Variants in DBF4B observed in about 807,000 individuals in gnomAD.
The protein encoded by DBF4B is protein DBF4 homolog B.
Under a neutral mutation model 53.4 loss-of-function variants are expected in DBF4B, and 49 were observed. The ratio of observed to expected loss-of-function variants is 0.92; its 90% CI spans 0.73 to 1.16. The LOEUF is 1.16. Ranked by LOEUF, DBF4B falls within the 50% of genes most tolerant of loss-of-function variation. The probability of loss-of-function intolerance (pLI) is 0.00; values close to 1 mark genes in which losing one functional copy is unlikely to be tolerated. For synonymous variants in DBF4B, 257 were observed against 288.7 expected (o/e 0.89, Z 1.11); for missense variants, 692 against 775.0 (o/e 0.89, Z 1.27).
chr17:44,728,699 C>T (rs1358639965), intron 3 of DBF4B, among the ~76,000 whole-genome samples: 1 of 151,780 alleles, frequency 6.6e-6, no homozygotes, highest in Non-Finnish European at 1.5e-5. Flanking sequence ...CGCCTGTAGT[C>T]TCAGCTATTC....
chr17:44,720,062 G>T, intron 2 of DBF4B: 1 of 247,356 alleles, frequency 4.0e-6, no homozygotes. Context: ...GTTCTTCGTA[G>T]AGGAACTTGA....
chr17:44,736,949 T>A (rs1975505565), intron 8 of DBF4B, 83 bp downstream of exon 8: 2 of 1,511,540 alleles, frequency 1.3e-6, no homozygotes, highest in Non-Finnish European at 1.8e-6. Context: ...TGGCAGCATC[T>A]GCTCACTTTT....
intron 10 of DBF4B, among the ~76,000 whole-genome samples, chr17:44,744,624 A>G (rs1976427308): frequency 6.6e-6 from 1 of 152,200 alleles, no homozygotes; most frequent in Non-Finnish European, 1.5e-5. Context: ...AGATATATGC[A>G]TTTATAATTT....
chr17:44,748,407 CT>C lies in DBF4B; in HGVS notation c.1132del (p.Ser378ProfsTer10), dbSNP rs2049166861. The C allele has an allele frequency of 6.2e-7, 1 of 1,613,864 alleles. No individual in the cohort carries two copies. On this transcript the variant is annotated frameshift_variant, in exon 13 of 14. Transcript: ENST00000315005. LOFTEE classifies it high-confidence loss of function. ...CTGAGACTCTGCACCCCCATCAGCCCTCCCATCCCAGGGCAGCATCTCCCAG... is the reference window on the plus strand; with the variant it reads ...CTGAGACTCTGCACCCCCATCAGCCCCCCATCCCAGGGCAGCATCTCCCAG... ...CPETLHPHQP[S>X]HPRAASPRIR...
At chr17:44,725,587 T>C (rs1974240742) in intron 3 of DBF4B, among the ~76,000 whole-genome samples, 1 of 151,888 alleles carries the variant, frequency 6.6e-6, no homozygotes, top group African/African-American at 2.4e-5. Context: ...AGTCACTCCC[T>C]ATATGCTTGG....
chr17:44,747,386 G>A lies in DBF4B; in HGVS notation c.940-5G>A, dbSNP rs766035821. On this transcript the variant is annotated splice_polypyrimidine_tract_variant and splice_region_variant and intron_variant, in intron 11 of 13. Transcript: ENST00000315005. ...ATGCCCTGTGCTCCTCTCCCCCGCC[G>A]GCAGCATCTTCAGAGTGCCCAGCAC... 11 of 1,613,294 alleles carry A rather than the reference G, an allele frequency of 6.8e-6. No homozygotes were observed. In the African/African-American group the frequency reaches 8.0e-5, roughly 12 times the overall value.
At chr17:44,714,696 T>C (rs1457531070) in intron 2 of DBF4B, among the ~76,000 whole-genome samples, 1 of 152,128 alleles carries the variant, frequency 6.6e-6, no homozygotes, top group Non-Finnish European at 1.5e-5. Flanking sequence ...TCTATTGCTA[T>C]TATTGTCAAA....
chr17:44,734,469 C>T (rs1975159732), intron 7 of DBF4B, among the ~76,000 whole-genome samples: 1 of 152,218 alleles, frequency 6.6e-6, no homozygotes, highest in South Asian at 2.1e-4. Context: ...TTCATAAATG[C>T]CCATGGCACT....
intron 7 of DBF4B, among the ~76,000 whole-genome samples, chr17:44,735,259 C>T (rs138335154): frequency 1.3e-4 from 20 of 152,348 alleles, no homozygotes; most frequent in African/African-American, 4.6e-4. Context: ...AGCTTCTCCT[C>T]AACCACTGAC....
At chr17:44,729,814 T>A in intron 3 of DBF4B, 91 bp from the exon 4 acceptor site, 6 of 1,417,970 alleles carry the variant, frequency 4.2e-6, no homozygotes, top group Non-Finnish European at 5.7e-6. Context: ...CTGGAACTCC[T>A]GGCAGCCAAG....
At chr17:44,747,310 C>A in intron 11 of DBF4B, 81 bp from the exon 12 acceptor site, 1 of 1,599,354 alleles carries the variant, frequency 6.3e-7, no homozygotes, top group Non-Finnish European at 8.5e-7. Context: ...AGGGCCAGAG[C>A]ATGGGCTGGG....
chr17:44,730,434 C>A (rs1352505718), intron 4 of DBF4B, among the ~76,000 whole-genome samples: 1 of 152,178 alleles, frequency 6.6e-6, no homozygotes, highest in Non-Finnish European at 1.5e-5. Context: ...TCCCTTCTTC[C>A]TTGCTTGCAT....
intron 10 of DBF4B, 108 bp downstream of exon 10, chr17:44,741,560 GC>G: frequency 1.4e-6 from 1 of 691,414 alleles, no homozygotes. Flanking sequence ...TGCTCCTTAG[GC>G]AAAGTCTATT....
In DBF4B at chr17:44,722,795, A is replaced by G. The variant is rs564867079; in HGVS notation, c.83-85A>G. ...GGTCTAGTCTGTGCTATTATAGCAC[A>G]CAGACTGAGCTGTCAGTGAGGGCCA... On this transcript the variant is annotated intron_variant, in intron 2 of 13. Coordinates refer to ENST00000315005, the MANE Select transcript of DBF4B (RefSeq NM_145663.3). The G allele has an allele frequency of 4.7e-6, 7 of 1,500,788 alleles. No homozygotes were observed. The South Asian group carries it at 8.7e-5, about 19-fold the overall frequency. 93.0% of individuals were successfully genotyped at this position (1,500,788 alleles called of 1,614,324 possible).
At position 44,728,733 on chromosome 17, in the gene DBF4B, C is replaced by A. The variant is rs189893384; in HGVS notation, c.226-1172C>A. Among the ~76,000 whole-genome samples the A allele has an allele frequency of 7.8e-4, 118 of 151,980 alleles. 1 individual carries two copies. Among genetic ancestry groups the A allele is most frequent in the African/African-American group, 2.8e-3 (116 of 41,430 alleles). Reference sequence around the variant, plus strand: ...TCGGGAGGCTGATGTAGGAGAATTGCTTGAACCTGGGAGGCGGAGGTTGCA... The same window carrying A: ...TCGGGAGGCTGATGTAGGAGAATTGATTGAACCTGGGAGGCGGAGGTTGCA... On this transcript the variant is annotated intron_variant, in intron 3 of 13. Coordinates refer to ENST00000315005, the MANE Select transcript of DBF4B (RefSeq NM_145663.3).
At chr17:44,718,858 G>C (rs1258939227) in intron 2 of DBF4B, 1 of 151,702 alleles carries the variant, frequency 6.6e-6, no homozygotes, top group African/African-American at 2.4e-5. Context: ...AGCTACTCGA[G>C]GCTCAGGCAG....
chr17:44,715,910 C>A (rs902699677), intron 2 of DBF4B, among the ~76,000 whole-genome samples: 1 of 149,154 alleles, frequency 6.7e-6, no homozygotes, highest in Non-Finnish European at 1.5e-5. Context: ...GCAACCTCCC[C>A]CTCCCAGGTT....
chr17:44,735,646 C>G (rs1367004169), intron 7 of DBF4B, among the ~76,000 whole-genome samples: 2 of 151,946 alleles, frequency 1.3e-5, no homozygotes, highest in African/African-American at 4.8e-5. Context: ...CCAGCCTGGG[C>G]AACAGAGTGA....
intron 2 of DBF4B, among the ~76,000 whole-genome samples, chr17:44,720,762 A>G (rs1973757098): frequency 6.6e-6 from 1 of 152,162 alleles, no homozygotes; most frequent in Admixed American, 6.5e-5. Context: ...TTGAGAAACT[A>G]ACACATGGTT....
Sources: gnomAD v4.1 joint callset for allele counts (sites outside exome capture counted in the v4.1 genomes callset) on GRCh38, gnomAD v4.1.1 for gene constraint, MANE v1.5 for transcripts, NCBI Gene and HGNC (gene_info 2026-07-23, HGNC 2026-07-21) for gene names.